CACNA2D1: variants seen among roughly 807,000 people sequenced by gnomAD.
CACNA2D1 encodes the protein voltage-dependent calcium channel subunit alpha-2/delta-1.
In CACNA2D1, 53 loss-of-function variants were observed where a neutral mutation model predicts 171.5. That is an observed-to-expected ratio of 0.31 (90% confidence interval 0.25 to 0.39). The LOEUF (loss-of-function observed/expected upper bound fraction) is 0.39, where lower values mean the gene tolerates loss of function less well. Ranked by LOEUF, CACNA2D1 falls within the 10% of genes least tolerant of loss-of-function variation. CACNA2D1 has a pLI of 1.00. For synonymous variants in CACNA2D1, 442 were observed against 443.1 expected, an observed-to-expected ratio of 1.00 and a Z score of 0.03; for missense variants, 903 against 1,299.8, an observed-to-expected ratio of 0.69 and a Z score of 4.69.
intron 3 of CACNA2D1, among the ~76,000 whole-genome samples, chr7:82,202,390 C>A (rs902653708): frequency 6.6e-6 from 1 of 152,100 alleles, no homozygotes. Context: ...GGAGAGTGAG[C>A]CTTTGGTCCC....
chr7:82,157,398 G>A (rs1425631490), intron 4 of CACNA2D1, among the ~76,000 whole-genome samples: 1 of 152,048 alleles, frequency 6.6e-6, no homozygotes, highest in African/African-American at 2.4e-5. Flanking sequence ...AATTATTCAT[G>A]TCTTTTTCCA....
At chr7:82,087,414 T>C (rs1267176517) in intron 6 of CACNA2D1, among the ~76,000 whole-genome samples, 1 of 152,148 alleles carries the variant, frequency 6.6e-6, no homozygotes, top group Non-Finnish European at 1.5e-5. Flanking sequence ...AGATTTATAC[T>C]ACGGAGAGAA....
chr7:82,133,861 AG>A (rs1450134937), intron 5 of CACNA2D1, among the ~76,000 whole-genome samples: 1 of 152,168 alleles, frequency 6.6e-6, no homozygotes, highest in Non-Finnish European at 1.5e-5. Flanking sequence ...TCAGGAGGTC[AG>A]GAGATCGAGA....
At chr7:82,234,349 A>C (rs980946275) in intron 3 of CACNA2D1, among the ~76,000 whole-genome samples, 1 of 152,146 alleles carries the variant, frequency 6.6e-6, no homozygotes, top group African/African-American at 2.4e-5. Flanking sequence ...CAACAACCTA[A>C]AAAATATATT....
intron 4 of CACNA2D1, among the ~76,000 whole-genome samples, chr7:82,165,305 C>T (rs933380893): frequency 6.6e-6 from 1 of 151,980 alleles, no homozygotes; most frequent in Non-Finnish European, 1.5e-5. Flanking sequence ...CAGGACATAT[C>T]ATCATGATGT....
rs115568344 is a variant in CACNA2D1 at position 82,191,963 on chromosome 7, A to G, written c.295-21354T>C. Reference sequence around the variant, plus strand: ...CATCTATTGTGAGTGTAAGCACTCTATCATGCAAAGAAATCTCACCACATA... The same window carrying G: ...CATCTATTGTGAGTGTAAGCACTCTGTCATGCAAAGAAATCTCACCACATA... On this transcript the variant is annotated intron_variant, in intron 3 of 38. Transcript: ENST00000356860. Among the ~76,000 whole-genome samples, 1,362 of 151,926 alleles carry G rather than the reference A, an allele frequency of 9.0e-3. 17 individuals carry two copies. The highest frequency in any genetic ancestry group is 0.031 in the African/African-American group (1,275 of 41,538).
chr7:82,384,266 A>T (rs1055013224), intron 1 of CACNA2D1, among the ~76,000 whole-genome samples: 8 of 152,138 alleles, frequency 5.3e-5, no homozygotes, highest in Non-Finnish European at 1.5e-5. Flanking sequence ...GTATTTGGAG[A>T]AGGGGCCTTT....
chr7:82,336,450 T>C (rs1025468803), intron 2 of CACNA2D1, among the ~76,000 whole-genome samples: 1 of 152,204 alleles, frequency 6.6e-6, no homozygotes, highest in African/African-American at 2.4e-5. Context: ...TTTAAATCAA[T>C]TTTTGCTCCT....
At chr7:82,268,166 C>T (rs956842409) in intron 3 of CACNA2D1, among the ~76,000 whole-genome samples, 9 of 152,096 alleles carry the variant, frequency 5.9e-5, no homozygotes, top group Admixed American at 3.3e-4. Context: ...TGTTTTTATC[C>T]TTTTACACAA....
intron 4 of CACNA2D1, among the ~76,000 whole-genome samples, chr7:82,167,668 C>G (rs1307678198): frequency 6.6e-6 from 1 of 152,078 alleles, no homozygotes; most frequent in Non-Finnish European, 1.5e-5. Context: ...CAAACTGTGA[C>G]AGACCTGTGT....
chr7:81,957,073 G>C (rs556798405), intron 38 of CACNA2D1, among the ~76,000 whole-genome samples: 1 of 152,146 alleles, frequency 6.6e-6, no homozygotes, highest in Admixed American at 6.5e-5. Flanking sequence ...ATTTTAAAAA[G>C]TAGAAAAATC....
intron 1 of CACNA2D1, among the ~76,000 whole-genome samples, chr7:82,394,914 T>C (rs2129451100): frequency 6.6e-6 from 1 of 151,300 alleles, no homozygotes; most frequent in South Asian, 2.1e-4. Flanking sequence ...ATGGAGGGCC[T>C]TTCTCTAAAA....
At chr7:82,037,996 G>C in intron 11 of CACNA2D1, 81 bp downstream of exon 11, 2 of 1,326,128 alleles carry the variant, frequency 1.5e-6, no homozygotes, top group South Asian at 2.4e-5. Context: ...TAATCCCAGA[G>C]AGTAGTAACT....
At chr7:82,031,404 C>T (rs1016631730) in intron 12 of CACNA2D1, among the ~76,000 whole-genome samples, 12 of 151,842 alleles carry the variant, frequency 7.9e-5, no homozygotes, top group South Asian at 2.1e-4. Flanking sequence ...AAGAAATATT[C>T]GTAGAATCTA....
intron 10 of CACNA2D1, among the ~76,000 whole-genome samples, chr7:82,039,284 C>T (rs937811670): frequency 5.3e-5 from 8 of 152,122 alleles, no homozygotes; most frequent in African/African-American, 1.4e-4. Flanking sequence ...GATCACTGAA[C>T]GTAATTATAA....
intron 9 of CACNA2D1, among the ~76,000 whole-genome samples, chr7:82,061,153 T>C (rs1806864658): frequency 6.6e-6 from 1 of 152,212 alleles, no homozygotes. Flanking sequence ...TCGAGCTGCC[T>C]GCTGAACCAC....
chr7:82,396,135 T>G (rs1414236228), intron 1 of CACNA2D1, among the ~76,000 whole-genome samples: 1 of 152,144 alleles, frequency 6.6e-6, no homozygotes, highest in Non-Finnish European at 1.5e-5. Context: ...TAGCCACTTT[T>G]TTCTGAGTTG....
At chr7:82,304,955 TG>T (rs1367810093) in intron 3 of CACNA2D1, among the ~76,000 whole-genome samples, 4 of 152,174 alleles carry the variant, frequency 2.6e-5, no homozygotes, top group African/African-American at 9.7e-5. Context: ...ATTCTATGCA[TG>T]TAACAAAATA....
intron 3 of CACNA2D1, among the ~76,000 whole-genome samples, chr7:82,286,739 G>A (rs776426457): frequency 2.6e-5 from 4 of 152,046 alleles, no homozygotes; most frequent in Non-Finnish European, 5.9e-5. Context: ...AAAAAAGAAA[G>A]AAAGCAAAAA....
Sources: gnomAD v4.1 joint callset for allele counts (sites outside exome capture counted in the v4.1 genomes callset) on GRCh38, gnomAD v4.1.1 for gene constraint, MANE v1.5 for transcripts, NCBI Gene and HGNC (gene_info 2026-07-23, HGNC 2026-07-21) for gene names.